The following FRMD7 variants were observed in gnomAD, a reference collection of about 807,000 sequenced individuals.
FRMD7 encodes the protein FERM domain containing 7, also known as FERM domain-containing protein 7.
FRMD7 carries 14 observed loss-of-function variants against 44.1 expected under a neutral mutation model. The ratio of observed to expected loss-of-function variants is 0.32; its 90% confidence interval spans 0.21 to 0.50. The LOEUF (loss-of-function observed/expected upper bound fraction) is 0.50. Ranked by LOEUF, FRMD7 falls within the 20% of genes least tolerant of loss-of-function variation. The pLI is 0.99. For synonymous variants in FRMD7, 212 were observed against 187.4 expected, an observed-to-expected ratio of 1.13 and a Z score of -1.07; for missense variants, 501 against 522.3, an observed-to-expected ratio of 0.96 and a Z score of 0.40.
At chrX:132,109,071 T>A (rs1928716998) in intron 1 of FRMD7, among the ~76,000 whole-genome samples, 1 of 112,292 alleles carries the variant, frequency 8.9e-6, no homozygotes, top group Non-Finnish European at 1.9e-5. Flanking sequence ...GGGCAATATT[T>A]ATTTGAATAT....
At chrX:132,100,431 C>G (rs1014795372) in intron 2 of FRMD7, among the ~76,000 whole-genome samples, 181 bp downstream of exon 2, 12 of 112,349 alleles carry the variant, frequency 1.1e-4, no homozygotes, top group African/African-American at 3.9e-4. Flanking sequence ...CGCACCTGGC[C>G]AAGGTGACTG....
At chrX:132,113,709 A>G (rs1355581661) in intron 1 of FRMD7, among the ~76,000 whole-genome samples, 2 of 111,362 alleles carry the variant, frequency 1.8e-5, no homozygotes, top group Non-Finnish European at 3.8e-5. Context: ...TGATACAAGC[A>G]TGCAATGTGA....
intron 1 of FRMD7, among the ~76,000 whole-genome samples, chrX:132,122,760 A>G (rs1304313586): frequency 1.8e-5 from 2 of 112,367 alleles, no homozygotes; most frequent in Non-Finnish European, 3.8e-5. Flanking sequence ...TGGCATCTCT[A>G]GCACTTAGAA....
rs143128232 is a variant in FRMD7, at chrX:132,078,111, G to A, written c.1906C>T (p.Leu636=). ...MFAEQELPAV[L]MDQSTAERYV... ...CTTTCTGCTGTACTTTGATCCATTA[G>A]AACTGCTGGCAACTCCTGCTCTGCA... Residue 636 remains leucine, a synonymous_variant, in exon 12 of 12, where the codon CTA becomes TTA. Transcript: ENST00000298542. The A allele has an allele frequency of 6.8e-5, 82 of 1,209,472 alleles. No homozygotes were observed. Among genetic ancestry groups the A allele is most frequent in the Non-Finnish European group, 8.8e-5 (79 of 894,691 alleles).
At chrX:132,106,146 A>T (rs1420223378) in intron 1 of FRMD7, among the ~76,000 whole-genome samples, 1 of 112,179 alleles carries the variant, frequency 8.9e-6, no homozygotes, top group African/African-American at 3.2e-5. Flanking sequence ...TCTATAAGAA[A>T]CTTACACAAA....
At chrX:132,108,968 T>C (rs1322687660) in intron 1 of FRMD7, among the ~76,000 whole-genome samples, 1 of 111,699 alleles carries the variant, frequency 9.0e-6, no homozygotes, top group African/African-American at 3.3e-5. Flanking sequence ...CAAATGTAAA[T>C]TGCCCAGCCT....
chrX:132,103,488 CTA>C (rs1928562022), intron 1 of FRMD7, among the ~76,000 whole-genome samples: 1 of 8,645 alleles, frequency 1.2e-4, no homozygotes, highest in African/African-American at 3.0e-4. Flanking sequence ...CTTTAAATGT[CTA>C]TCTATCTATC....
intron 5 of FRMD7, among the ~76,000 whole-genome samples, chrX:132,088,345 T>C (rs1442952067): frequency 9.0e-6 from 1 of 110,853 alleles, no homozygotes; most frequent in Non-Finnish European, 1.9e-5. Context: ...AGCCCAGGAG[T>C]TCGAGACCAG....
chrX:132,124,198 A>T (rs766389445), intron 1 of FRMD7, among the ~76,000 whole-genome samples: 80 of 111,994 alleles, frequency 7.1e-4, no homozygotes, highest in South Asian at 1.1e-3. Flanking sequence ...CCTTCAAGAA[A>T]AGTTCTAGTC....
intron 1 of FRMD7, among the ~76,000 whole-genome samples, chrX:132,111,487 C>G (rs972187894): frequency 3.6e-5 from 4 of 111,659 alleles, no homozygotes; most frequent in African/African-American, 6.5e-5. Context: ...CAGAGCTTCT[C>G]CATGTATTAT....
At chrX:132,085,889 G>C in intron 6 of FRMD7, 31 bp downstream of exon 6, 3 of 1,053,004 alleles carry the variant, frequency 2.8e-6, no homozygotes, top group Non-Finnish European at 4.0e-6. Flanking sequence ...TTCTCTACTG[G>C]GGGAAGCAGG....
intron 1 of FRMD7, among the ~76,000 whole-genome samples, chrX:132,101,218 C>G (rs1928490041): frequency 9.0e-6 from 1 of 110,726 alleles, no homozygotes; most frequent in Non-Finnish European, 1.9e-5. Flanking sequence ...TTGCCCACCT[C>G]CTCCTGATAC....
intron 1 of FRMD7, among the ~76,000 whole-genome samples, chrX:132,104,057 T>C (rs1177593136): frequency 8.9e-6 from 1 of 111,885 alleles, no homozygotes; most frequent in Non-Finnish European, 1.9e-5. Context: ...AAAATAAAGA[T>C]AATAGTGATA....
rs768769701 is a variant in FRMD7 at position 132,091,426 on chromosome X, A to C, written c.382+2616T>G. Among the ~76,000 whole-genome samples the C allele has an allele frequency of 2.7e-4, 30 of 111,453 alleles. No homozygotes were observed. In the South Asian group the frequency reaches 0.011, roughly 42 times the overall value. ...TGCACTGCATGCTCTCTTTGCCAGG[A>C]TTCTCTTTCACATGATTTTGTTGCA... On this transcript the variant is annotated intron_variant, in intron 5 of 11. Coordinates refer to ENST00000298542, the MANE Select transcript of FRMD7 (RefSeq NM_194277.3).
intron 5 of FRMD7, among the ~76,000 whole-genome samples, chrX:132,093,791 G>C (rs747046728): frequency 1.1e-4 from 12 of 112,529 alleles, no homozygotes; most frequent in African/African-American, 3.9e-4. Context: ...GGCGGTAGGA[G>C]GGGAAGGCTG....
At chrX:132,120,958 C>T (rs919218363) in intron 1 of FRMD7, among the ~76,000 whole-genome samples, 1 of 112,056 alleles carries the variant, frequency 8.9e-6, no homozygotes, top group Non-Finnish European at 1.9e-5. Context: ...TAGATTGGAA[C>T]GTTATGATTC....
At chrX:132,120,438 C>T (rs1929006084) in intron 1 of FRMD7, among the ~76,000 whole-genome samples, 1 of 112,943 alleles carries the variant, frequency 8.9e-6, no homozygotes, top group African/African-American at 3.2e-5. Flanking sequence ...GGCGGCAAGG[C>T]CCCGACTAAC....
In FRMD7 at chrX:132,077,987, A is replaced by C. The variant is rs779622270; in HGVS notation, c.2030T>G (p.Ile677Ser). ...CTGTAGACTACCAGAAGACAGGCGG[A>C]TTCTGGCCATGGGTGACCTTATTTC... is the stretch of plus-strand genomic sequence containing the variant. ...GKEIRSPMARIRLSSGSLQLD... is the reference protein window; with the variant it reads ...GKEIRSPMARSRLSSGSLQLD... Residue 677 changes from isoleucine (I) to serine (S), a missense_variant, in exon 12 of 12, where the codon ATC becomes AGC. Physicochemically the swap from Ile to Ser is moderately radical, Grantham distance 142 (BLOSUM62 -2). Transcript: ENST00000298542. The C allele has an allele frequency of 8.3e-7, 1 of 1,210,339 alleles. No homozygotes were observed. Among genetic ancestry groups the C allele is most frequent in the Admixed American group, 2.2e-5 (1 of 45,978 alleles).
chrX:132,125,470 G>A (rs1378329645), intron 1 of FRMD7, among the ~76,000 whole-genome samples: 1 of 111,474 alleles, frequency 9.0e-6, no homozygotes, highest in Non-Finnish European at 1.9e-5. Context: ...GTATCAAAAG[G>A]TCCTCCATGT....
Sources: gnomAD v4.1 joint callset for allele counts (sites outside exome capture counted in the v4.1 genomes callset) on GRCh38, gnomAD v4.1.1 for gene constraint, MANE v1.5 for transcripts, NCBI Gene and HGNC (gene_info 2026-07-23, HGNC 2026-07-21) for gene names.